Variants in LURAP1L observed in about 807,000 individuals in gnomAD.
LURAP1L encodes leucine rich adaptor protein 1 like, also known as leucine rich adaptor protein 1-like.
In LURAP1L, 12 loss-of-function variants were observed where a neutral mutation model predicts 13.8. The ratio of observed to expected loss-of-function variants is 0.87; its 90% CI spans 0.56 to 1.41. The LOEUF is 1.41. LURAP1L is among the 40% of genes most tolerant of loss of function. The pLI, the probability that LURAP1L is intolerant of heterozygous loss-of-function variation, is 0.00. For missense variants in LURAP1L, 375 were observed against 292.9 expected (o/e 1.28, Z -2.04); for synonymous variants, 139 against 119.2 (o/e 1.17, Z -1.08).
chr9:12,791,266 C>T (rs1819436928), intron 1 of LURAP1L, among the ~76,000 whole-genome samples: 1 of 152,048 alleles, frequency 6.6e-6, no homozygotes, highest in African/African-American at 2.4e-5. Context: ...GATTTGAAAA[C>T]AGATCCAAAA....
intron 1 of LURAP1L, among the ~76,000 whole-genome samples, chr9:12,783,879 A>AT (rs1471185640): frequency 1.2e-5 from 1 of 84,924 alleles, no homozygotes. Flanking sequence ...TTATTCTTTT[A>AT]TTTTGTCTCC....
intron 1 of LURAP1L, among the ~76,000 whole-genome samples, chr9:12,792,452 G>A (rs561460150): frequency 3.9e-5 from 6 of 152,250 alleles, no homozygotes; most frequent in Non-Finnish European, 8.8e-5. Context: ...CAGTCCTGAA[G>A]TTATGAGGAT....
At chr9:12,794,877 A>G (rs749873332) in intron 1 of LURAP1L, among the ~76,000 whole-genome samples, 7 of 151,800 alleles carry the variant, frequency 4.6e-5, no homozygotes, top group Non-Finnish European at 8.8e-5. Context: ...ATAAGCCCCA[A>G]AGTAATACAG....
intron 1 of LURAP1L, among the ~76,000 whole-genome samples, chr9:12,800,638 G>GA (rs369585448): frequency 1.8e-4 from 27 of 152,112 alleles, no homozygotes; most frequent in African/African-American, 5.8e-4. Context: ...CTGAATATTT[G>GA]AAAATCTAGT....
At position 12,791,809 on chromosome 9, in the gene LURAP1L, G is replaced by C. The variant is rs1306708834; in HGVS notation, c.312+15782G>C. On this transcript the variant is annotated intron_variant, in intron 1 of 1. Coordinates refer to ENST00000319264, the MANE Select transcript of LURAP1L (RefSeq NM_203403.2). Reference sequence around the variant, plus strand: ...CAGTGATCATTCCCCTCCTCCAAAAGAACAGTTGTGGGGCATAAATGTTGT... The same window carrying C: ...CAGTGATCATTCCCCTCCTCCAAAACAACAGTTGTGGGGCATAAATGTTGT... Among the ~76,000 whole-genome samples the C allele has an allele frequency of 9.2e-5, 14 of 152,038 alleles. No individual in the cohort carries two copies. In the East Asian group the frequency reaches 2.5e-3, roughly 27 times the overall value.
chr9:12,789,255 T>C (rs1362365282), intron 1 of LURAP1L, among the ~76,000 whole-genome samples: 4 of 152,120 alleles, frequency 2.6e-5, no homozygotes, highest in African/African-American at 7.2e-5. Context: ...TGAGATGATA[T>C]ATGTAAAGTA....
intron 1 of LURAP1L, among the ~76,000 whole-genome samples, chr9:12,819,206 G>A (rs1362049690): frequency 6.6e-6 from 1 of 152,102 alleles, no homozygotes; most frequent in Non-Finnish European, 1.5e-5. Flanking sequence ...TACTTCCTGT[G>A]CAATTTATTT....
chr9:12,819,933 A>C (rs12376977), intron 1 of LURAP1L, among the ~76,000 whole-genome samples: 1 of 151,662 alleles, frequency 6.6e-6, no homozygotes, highest in Non-Finnish European at 1.5e-5. Context: ...CCGCCTGGGC[A>C]ATAGAGTGAG....
intron 1 of LURAP1L, among the ~76,000 whole-genome samples, chr9:12,793,614 C>G (rs79087841): frequency 6.6e-6 from 1 of 151,900 alleles, no homozygotes; most frequent in Non-Finnish European, 1.5e-5. Context: ...TATTTCCACT[C>G]GAAGTTGAAA....
At chr9:12,792,921 T>G (rs2118494429) in intron 1 of LURAP1L, among the ~76,000 whole-genome samples, 1 of 152,194 alleles carries the variant, frequency 6.6e-6, no homozygotes, top group South Asian at 2.1e-4. Flanking sequence ...TTTGGAAGTT[T>G]CTAAAAATTA....
In LURAP1L at chr9:12,786,479, G is replaced by C. The variant is rs183145096; in HGVS notation, c.312+10452G>C. ...TCATTTTTAATGTAATTCAGTGATT[G>C]TTTTTCTGAGAATAATATTAATGAA... On this transcript the variant is annotated intron_variant, in intron 1 of 1. Transcript: ENST00000319264. Among the ~76,000 whole-genome samples, 1,136 of 140,440 alleles carry C rather than the reference G, an allele frequency of 8.1e-3. 12 individuals are homozygous for C. The highest frequency in any genetic ancestry group is 0.027 in the South Asian group (117 of 4,398). 92.1% of individuals were successfully genotyped at this position (140,440 alleles called of 152,430 possible).
In LURAP1L at chr9:12,821,721, G is replaced by T; in HGVS notation, c.648G>T (p.Lys216Asn). ...TAGAGGACTCACAGGCACTACACAAGCGTCCTAAATTGGATTCTGAATACT... is the reference window on the plus strand; with the variant it reads ...TAGAGGACTCACAGGCACTACACAATCGTCCTAAATTGGATTCTGAATACT... ...SLIEDSQALH[K>N]RPKLDSEYYC... Residue 216 changes from lysine (K) to asparagine (N), a missense_variant, in exon 2 of 2, where the codon AAG becomes AAT. Physicochemically the swap from Lys to Asn is moderately conservative, Grantham distance 94 (BLOSUM62 0). Coordinates refer to ENST00000319264, the MANE Select transcript of LURAP1L (RefSeq NM_203403.2). 1 of 1,614,100 alleles carries T rather than the reference G, an allele frequency of 6.2e-7. No individual in the cohort carries two copies. The highest frequency in any genetic ancestry group is 8.5e-7 in the Non-Finnish European group (1 of 1,179,992).
intron 1 of LURAP1L, among the ~76,000 whole-genome samples, chr9:12,776,287 C>T (rs924480334): frequency 6.6e-6 from 1 of 152,170 alleles, no homozygotes; most frequent in African/African-American, 2.4e-5. Context: ...TACTTTCGGA[C>T]AACGCGACTC....
intron 1 of LURAP1L, among the ~76,000 whole-genome samples, chr9:12,785,818 A>G (rs909647598): frequency 6.6e-6 from 1 of 151,982 alleles, no homozygotes; most frequent in African/African-American, 2.4e-5. Context: ...TGATGTTAAA[A>G]CCGGGTACTA....
intron 1 of LURAP1L, among the ~76,000 whole-genome samples, chr9:12,778,962 C>T (rs146744114): frequency 1.3e-5 from 2 of 152,252 alleles, no homozygotes; most frequent in East Asian, 1.9e-4. Context: ...TAGTCCTATG[C>T]GTACGTACCT....
At chr9:12,808,442 C>A (rs926145148) in intron 1 of LURAP1L, among the ~76,000 whole-genome samples, 1 of 152,078 alleles carries the variant, frequency 6.6e-6, no homozygotes, top group African/African-American at 2.4e-5. Flanking sequence ...ACCATCCACC[C>A]CCAGAACTTT....
At chr9:12,791,293 C>T (rs1388867628) in intron 1 of LURAP1L, among the ~76,000 whole-genome samples, 1 of 151,986 alleles carries the variant, frequency 6.6e-6, no homozygotes, top group African/African-American at 2.4e-5. Context: ...AAATGGCTAC[C>T]ACATATTCTA....
intron 1 of LURAP1L, among the ~76,000 whole-genome samples, chr9:12,786,557 T>TAC (rs1487919289): frequency 3.5e-5 from 4 of 113,918 alleles, no homozygotes; most frequent in Non-Finnish European, 7.5e-5. Context: ...CATATATATA[T>TAC]ATATATATAT....
chr9:12,789,238 T>C (rs943200770), intron 1 of LURAP1L, among the ~76,000 whole-genome samples: 3 of 152,310 alleles, frequency 2.0e-5, no homozygotes, highest in Middle Eastern at 6.8e-3. Flanking sequence ...GCACTTAATT[T>C]AAATAATGAG....
Sources: gnomAD v4.1 joint callset for allele counts (sites outside exome capture counted in the v4.1 genomes callset) on GRCh38, gnomAD v4.1.1 for gene constraint, MANE v1.5 for transcripts, NCBI Gene and HGNC (gene_info 2026-07-23, HGNC 2026-07-21) for gene names.